The following SLC35F4 variants were observed in gnomAD, a reference collection of about 807,000 sequenced individuals.
SLC35F4 encodes the protein chromosome 14 open reading frame 36.
In SLC35F4, 24 loss-of-function variants were observed where a neutral mutation model predicts 44.2. The ratio of observed to expected loss-of-function variants is 0.54; its 90% CI spans 0.39 to 0.76. SLC35F4 has a LOEUF of 0.76. SLC35F4 is among the 30% of genes least tolerant of loss of function. The pLI is 0.00. For missense variants in SLC35F4, 562 were observed against 586.1 expected (o/e 0.96, Z 0.42); for synonymous variants, 238 against 223.6 (o/e 1.06, Z -0.57).
chr14:57,797,838 A>C (rs1388390223), intron 1 of SLC35F4, among the ~76,000 whole-genome samples: 2 of 152,110 alleles, frequency 1.3e-5, no homozygotes, highest in Non-Finnish European at 2.9e-5. Flanking sequence ...CAGTATGGGG[A>C]AGGTACTTCC....
intron 1 of SLC35F4, among the ~76,000 whole-genome samples, chr14:57,800,986 A>G (rs2078179167): frequency 6.6e-6 from 1 of 152,214 alleles, no homozygotes; most frequent in South Asian, 2.1e-4. Context: ...CTAGCAAGAC[A>G]GGCCAACATT....
chr14:57,971,052 T>C (rs1445015312), intron 1 of SLC35F4, among the ~76,000 whole-genome samples: 4 of 152,176 alleles, frequency 2.6e-5, no homozygotes, highest in Non-Finnish European at 5.9e-5. Flanking sequence ...GTTGCCAAAT[T>C]AATGGGTTAC....
chr14:57,636,263 G>A (rs929984898), intron 1 of SLC35F4, among the ~76,000 whole-genome samples: 14 of 152,134 alleles, frequency 9.2e-5, no homozygotes, highest in African/African-American at 9.7e-5. Flanking sequence ...TTTTCAGTAC[G>A]TTGGATTTGA....
intron 1 of SLC35F4, among the ~76,000 whole-genome samples, chr14:57,923,066 A>G (rs1414150139): frequency 6.6e-6 from 1 of 152,204 alleles, no homozygotes; most frequent in Non-Finnish European, 1.5e-5. Context: ...TTTTCAGGTG[A>G]GAGAACAGTG....
chr14:57,944,752 AAGAAAGG>A (rs1889989778), intron 1 of SLC35F4, among the ~76,000 whole-genome samples: 1 of 145,420 alleles, frequency 6.9e-6, no homozygotes, highest in African/African-American at 2.5e-5. Context: ...AGAAAGAAAG[AAGAAAGG>A]AAGAAAGAAA....
chr14:57,688,891 A>G (rs2075144369), intron 1 of SLC35F4, among the ~76,000 whole-genome samples: 1 of 152,194 alleles, frequency 6.6e-6, no homozygotes, highest in African/African-American at 2.4e-5. Flanking sequence ...CTAATAGGCA[A>G]TTAACCTGGT....
At chr14:57,568,012 G>A (rs565098827) in intron 6 of SLC35F4, among the ~76,000 whole-genome samples, 19 of 152,348 alleles carry the variant, frequency 1.2e-4, no homozygotes, top group Admixed American at 1.2e-3. Flanking sequence ...GATTTCTATG[G>A]AGAAGAGAGG....
At chr14:57,698,608 A>T (rs2075447832) in intron 1 of SLC35F4, among the ~76,000 whole-genome samples, 1 of 151,736 alleles carries the variant, frequency 6.6e-6, no homozygotes, top group South Asian at 2.1e-4. Context: ...CTGAGAAAGA[A>T]TTGTATTCCA....
At chr14:57,574,413 A>AT (rs953245536) in intron 4 of SLC35F4, among the ~76,000 whole-genome samples, 1 of 152,206 alleles carries the variant, frequency 6.6e-6, no homozygotes, top group African/African-American at 2.4e-5. Context: ...AGAGAGAAGC[A>AT]TTTTTCACTT....
At chr14:57,967,786 C>G (rs1880918483) in intron 1 of SLC35F4, among the ~76,000 whole-genome samples, 1 of 152,126 alleles carries the variant, frequency 6.6e-6, no homozygotes, top group African/African-American at 2.4e-5. Context: ...TAAATTGAGA[C>G]AAGAAGTCAT....
At chr14:57,683,167 C>G (rs2140309607) in intron 1 of SLC35F4, among the ~76,000 whole-genome samples, 1 of 152,286 alleles carries the variant, frequency 6.6e-6, no homozygotes, top group South Asian at 2.1e-4. Context: ...AAATGTAAAA[C>G]TAGTGCATTA....
At chr14:57,822,378 A>G (rs1330425119) in intron 1 of SLC35F4, among the ~76,000 whole-genome samples, 1 of 152,226 alleles carries the variant, frequency 6.6e-6, no homozygotes, top group Non-Finnish European at 1.5e-5. Flanking sequence ...AAAGAAAATC[A>G]AGGTCAGCAT....
At chr14:57,612,399 C>A (rs2071566975) in intron 1 of SLC35F4, among the ~76,000 whole-genome samples, 2 of 152,206 alleles carry the variant, frequency 1.3e-5, no homozygotes, top group Admixed American at 6.5e-5. Context: ...CCCCACCCAG[C>A]AGTTGGGCCA....
At chr14:57,703,729 G>A (rs147942643) in intron 1 of SLC35F4, among the ~76,000 whole-genome samples, 2,030 of 152,224 alleles carry the variant, frequency 0.013, 24 homozygotes, top group South Asian at 0.059. Flanking sequence ...AACTCCTCAG[G>A]AAATTATTTG....
At chr14:57,908,498 A>G (rs1889152804) in intron 1 of SLC35F4, among the ~76,000 whole-genome samples, 1 of 151,888 alleles carries the variant, frequency 6.6e-6, no homozygotes. Context: ...AAGAGATGGT[A>G]TCTCGTTGTG....
chr14:57,629,904 T>C (rs2072681086), intron 1 of SLC35F4: 1 of 449,612 alleles, frequency 2.2e-6, no homozygotes, highest in Non-Finnish European at 4.4e-6. Context: ...ACCACCACCA[T>C]GTCCTGCTAC....
chr14:57,820,660 G>C (rs1239076274), intron 1 of SLC35F4, among the ~76,000 whole-genome samples: 1 of 152,198 alleles, frequency 6.6e-6, no homozygotes, highest in Admixed American at 6.5e-5. Flanking sequence ...AGTGCCAATA[G>C]AGAGGAGACA....
chr14:57,709,654 A>T (rs2075768967), intron 1 of SLC35F4, among the ~76,000 whole-genome samples: 1 of 152,160 alleles, frequency 6.6e-6, no homozygotes, highest in Non-Finnish European at 1.5e-5. Context: ...TAGCAAAGAG[A>T]CTGGCAACAT....
intron 1 of SLC35F4, among the ~76,000 whole-genome samples, chr14:57,658,642 C>T (rs1201037623): frequency 6.6e-6 from 1 of 152,122 alleles, no homozygotes; most frequent in African/African-American, 2.4e-5. Flanking sequence ...ACACCAATTC[C>T]TAAACTGAGA....
Sources: allele counts gnomAD v4.1 joint callset (sites outside exome capture counted in the v4.1 genomes callset), GRCh38; gene constraint gnomAD v4.1.1; transcripts MANE v1.5; gene names NCBI Gene and HGNC (gene_info 2026-07-23, HGNC 2026-07-21).